BHMT: variants seen among roughly 807,000 people sequenced by gnomAD.
The protein encoded by BHMT is betaine--homocysteine S-methyltransferase 1.
BHMT carries 38 observed loss-of-function variants against 49.5 expected under a neutral mutation model. The observed-to-expected ratio is 0.77, with a 90% CI of 0.59 to 1.01. The LOEUF (loss-of-function observed/expected upper bound fraction) is 1.01, where lower values mean the gene tolerates loss of function less well. Ranked by LOEUF, BHMT falls within the 50% of genes least tolerant of loss-of-function variation. The probability of loss-of-function intolerance (pLI) is 0.00; values close to 1 mark genes in which losing one functional copy is unlikely to be tolerated. For missense variants in BHMT, 426 were observed against 495.7 expected (o/e 0.86, Z 1.34); for synonymous variants, 166 against 176.3 (o/e 0.94, Z 0.46).
chr5:79,115,118 C>A (rs1189506838), intron 1 of BHMT, among the ~76,000 whole-genome samples: 1 of 152,022 alleles, frequency 6.6e-6, no homozygotes, highest in Non-Finnish European at 1.5e-5. Flanking sequence ...AATTTTAACA[C>A]CAAAGATAGA....
At chr5:79,125,991 G>A (rs1409529958) in intron 5 of BHMT, 55 bp from the exon 6 acceptor site, 2 of 1,520,170 alleles carry the variant, frequency 1.3e-6, no homozygotes. Flanking sequence ...GAGGAGAGCT[G>A]GCCCTGCTGG....
intron 7 of BHMT, among the ~76,000 whole-genome samples, chr5:79,128,785 G>A (rs1036621430): frequency 6.6e-6 from 1 of 152,078 alleles, no homozygotes. Flanking sequence ...CAATGGGGAA[G>A]ATGAATAATA....
chr5:79,124,549 C>G (rs946588738), intron 5 of BHMT, among the ~76,000 whole-genome samples: 18 of 151,832 alleles, frequency 1.2e-4, no homozygotes, highest in African/African-American at 4.4e-4. Flanking sequence ...TGTCATAATG[C>G]CTTCTCAAAT....
In BHMT at chr5:79,120,391, A is replaced by G; in HGVS notation, c.327A>G (p.Gln109=). 6.2e-7 allele frequency: 1 copy of G among 1,613,878 alleles called. No homozygotes were observed. Among genetic ancestry groups the G allele is most frequent in the Non-Finnish European group, 8.5e-7 (1 of 1,179,922 alleles). The change falls in exon 4 of 8, where the codon CAA becomes CAG. Residue 109 remains glutamine (Q), a synonymous_variant. Coordinates refer to ENST00000274353, the MANE Select transcript of BHMT (RefSeq NM_001713.3). ...AAGCTGCTTGCGACATCGCCCGACA[A>G]GTGGCTGATGAAGGAGATGCTTTGG... ...VNEAACDIAR[Q]VADEGDALVA...
At chr5:79,120,651 GTAATATT>G in intron 4 of BHMT, 110 bp downstream of exon 4, 5 of 986,320 alleles carry the variant, frequency 5.1e-6, no homozygotes, top group Non-Finnish European at 7.0e-6. Context: ...ACTAGCAATA[GTAATATT>G]TAGTTTTTGA....
intron 3 of BHMT, 47 bp from the exon 4 acceptor site, chr5:79,120,292 TAATTTTATTTC>T: frequency 7.1e-7 from 1 of 1,418,388 alleles, no homozygotes; most frequent in Non-Finnish European, 9.5e-7. Context: ...GTTTGAATAA[TAATTTTATTTC>T]AATTTCACAT....
chr5:79,120,557 G>A lies in BHMT; in HGVS notation c.477+16G>A, dbSNP rs1382682432. 3 of 1,599,234 alleles carry A rather than the reference G, an allele frequency of 1.9e-6. No homozygotes were observed. The highest frequency in any genetic ancestry group is 2.6e-6 in the Non-Finnish European group (3 of 1,174,228). On this transcript the variant is annotated intron_variant, in intron 4 of 7. Coordinates refer to ENST00000274353, the MANE Select transcript of BHMT (RefSeq NM_001713.3). The stretch of plus-strand genomic sequence containing the variant: ...GATTGCAGAGGTAAAGAAAGATGTG[G>A]TGAAAGATAAGACAAATACACCTAG...
chr5:79,131,125 G>C lies in BHMT; in HGVS notation c.*9G>C. ...AATTCAAATCACAGTAGCCTCGATA[G>C]AAGCTATTTTTGATGAATTTCTAGG... On this transcript the variant is annotated 3_prime_UTR_variant, in exon 8 of 8. Transcript: ENST00000274353. The C allele has an allele frequency of 6.2e-7, 1 of 1,603,070 alleles. No homozygotes were observed.
At chr5:79,129,696 G>A (rs1162138221) in intron 7 of BHMT, among the ~76,000 whole-genome samples, 1 of 152,174 alleles carries the variant, frequency 6.6e-6, no homozygotes, top group Non-Finnish European at 1.5e-5. Flanking sequence ...AAAGGAAATA[G>A]AAGGGCAGAA....
chr5:79,121,683 C>T (rs1396796235), intron 5 of BHMT, among the ~76,000 whole-genome samples: 6 of 151,424 alleles, frequency 4.0e-5, no homozygotes, highest in Admixed American at 3.3e-4. Flanking sequence ...GGACTGGTGG[C>T]GGGCGCCTGT....
At chr5:79,120,954 C>T (rs1756458631) in intron 4 of BHMT, among the ~76,000 whole-genome samples, 2 of 151,804 alleles carry the variant, frequency 1.3e-5, no homozygotes, top group Non-Finnish European at 2.9e-5. Context: ...AGTTTGAGAA[C>T]AGCCTGGCCA....
intron 1 of BHMT, among the ~76,000 whole-genome samples, chr5:79,112,847 C>G (rs1253818585): frequency 1.3e-5 from 2 of 152,076 alleles, no homozygotes; most frequent in African/African-American, 4.8e-5. Context: ...TGAGACTGGA[C>G]AGGTGGGAAG....
At chr5:79,129,505 G>A (rs1011999679) in intron 7 of BHMT, among the ~76,000 whole-genome samples, 1 of 152,180 alleles carries the variant, frequency 6.6e-6, no homozygotes, top group African/African-American at 2.4e-5. Context: ...GGAGGAGGCA[G>A]CCTCTTTATT....
Position 79,127,989 on chromosome 5 carries a change from C to T in BHMT, c.1037+6C>T. 1.0e-5 allele frequency: 16 copies of T among 1,606,228 alleles called. No homozygotes were observed. The highest frequency in any genetic ancestry group is 7.7e-6 in the Non-Finnish European group (9 of 1,175,876). On this transcript the variant is annotated splice_donor_region_variant and intron_variant, in intron 7 of 7. Transcript: ENST00000274353. ...AAACCCTGGGTTAGAGCAAGGTAAG[C>T]ATCTTTTTACTAACCCAAACTAATT...
chr5:79,130,958 C>A lies in BHMT; in HGVS notation c.1063C>A (p.Leu355Ile). Reference protein sequence around the residue: ...ARARKEYWENLRIASGRPYNP... With the variant: ...ARARKEYWENIRIASGRPYNP... ...GGCCAGGAAGGAATACTGGGAGAAT[C>A]TTCGGATAGCCTCAGGCCGGCCATA... The change falls in exon 8 of 8, where the codon CTT (leucine) becomes ATT (isoleucine). Residue 355 changes from leucine to isoleucine, a missense_variant. This residue lies in a region of BHMT where 73 missense variants were observed against 68.3 expected (regional missense o/e 1.07). Coordinates refer to ENST00000274353, the MANE Select transcript of BHMT (RefSeq NM_001713.3). 1 of 1,612,864 alleles carries A rather than the reference C, an allele frequency of 6.2e-7. No individual in the cohort carries two copies. The highest frequency in any genetic ancestry group is 8.5e-7 in the Non-Finnish European group (1 of 1,179,492).
intron 5 of BHMT, 62 bp from the exon 6 acceptor site, chr5:79,125,984 G>A: frequency 6.7e-7 from 1 of 1,492,200 alleles, no homozygotes; most frequent in Non-Finnish European, 9.1e-7. Context: ...ATGAAGAGAG[G>A]AGAGCTGGCC....
At chr5:79,119,798 G>A (rs1408790835) in intron 3 of BHMT, among the ~76,000 whole-genome samples, 1 of 152,168 alleles carries the variant, frequency 6.6e-6, no homozygotes, top group Admixed American at 6.5e-5. Flanking sequence ...CCCCATCAAG[G>A]CTGAGGTTTC....
chr5:79,131,283 G>C lies in BHMT; in HGVS notation c.*167G>C, dbSNP rs550462611. The C allele has an allele frequency of 2.8e-6, 2 of 707,572 alleles. No individual in the cohort carries two copies. Among genetic ancestry groups the C allele is most frequent in the East Asian group, 6.3e-5 (2 of 31,548 alleles). 43.8% of individuals were successfully genotyped at this position (707,572 alleles called of 1,614,324 possible). A position where few individuals can be genotyped will look rare whatever the true frequency, so the allele number is the denominator to read the frequency against. ...ACAAATAGCACTTGATAATTTTAAAGTATGTTTTAGAAATTTTCTTAGGAG... is the reference window on the plus strand; with the variant it reads ...ACAAATAGCACTTGATAATTTTAAACTATGTTTTAGAAATTTTCTTAGGAG... On this transcript the variant is annotated 3_prime_UTR_variant, in exon 8 of 8. Transcript: ENST00000274353.
At chr5:79,116,717 T>C (rs1580268930) in intron 2 of BHMT, among the ~76,000 whole-genome samples, 1 of 152,322 alleles carries the variant, frequency 6.6e-6, no homozygotes, top group East Asian at 1.9e-4. Flanking sequence ...GCCATGTACA[T>C]ATATAATCAT....
Sources: allele counts gnomAD v4.1 joint callset (sites outside exome capture counted in the v4.1 genomes callset), GRCh38; gene constraint gnomAD v4.1.1; regional missense constraint gnomAD v4.1.1; transcripts MANE v1.5; gene names NCBI Gene and HGNC (gene_info 2026-07-23, HGNC 2026-07-21).